Variants in XKR8 observed in about 807,000 individuals in gnomAD.
XKR8 encodes XK related 8.
XKR8 carries 10 observed loss-of-function variants against 17.1 expected under a neutral mutation model. That is an observed-to-expected ratio of 0.59 (90% CI 0.36 to 0.99). The LOEUF (loss-of-function observed/expected upper bound fraction) is 0.99, where lower values mean the gene tolerates loss of function less well. Among genes scored for constraint, XKR8 ranks in the 50% least tolerant of loss-of-function variants. The pLI, the probability that XKR8 is intolerant of heterozygous loss-of-function variation, is 0.01. For missense variants in XKR8, 411 were observed against 515.6 expected (o/e 0.80, Z 1.96); for synonymous variants, 213 against 251.9 (o/e 0.85, Z 1.46).
Position 27,959,979 on chromosome 1 carries a change from T to G in XKR8, c.-91T>G, listed in dbSNP as rs911736679. Reference sequence around the variant, plus strand: ...CCAGGCCCCGGGCCGCCCCGAGGGCTGCGCCCACCTCCTTCCTGCCTCGGC... The same window carrying G: ...CCAGGCCCCGGGCCGCCCCGAGGGCGGCGCCCACCTCCTTCCTGCCTCGGC... On this transcript the variant is annotated 5_prime_UTR_variant, in exon 1 of 3. Coordinates refer to ENST00000373884, the MANE Select transcript of XKR8 (RefSeq NM_018053.4). 1.7e-5 allele frequency: 21 copies of G among 1,231,564 alleles called. No homozygotes were observed. The highest frequency in any genetic ancestry group is 2.1e-5 in the Non-Finnish European group (20 of 953,594). 76.3% of individuals were successfully genotyped at this position (1,231,564 alleles called of 1,614,324 possible). A position where few individuals can be genotyped will look rare whatever the true frequency, so the allele number is the denominator to read the frequency against.
intron 1 of XKR8, among the ~76,000 whole-genome samples, chr1:27,961,360 C>G (rs1333205158): frequency 6.6e-6 from 1 of 152,178 alleles, no homozygotes; most frequent in Non-Finnish European, 1.5e-5. Context: ...GTGGCCAGGG[C>G]CAGGATCTGC....
At position 27,960,117 on chromosome 1, in the gene XKR8, C is replaced by T; in HGVS notation, c.48C>T (p.Gly16=). ...CCCTCCTTCGGGACCTGGTCCTGGG[C>T]GTGCTGGGCACCGCCGCCTTCCTGC... ...RGALLRDLVL[G]VLGTAAFLLD... Residue 16 remains glycine (G), a synonymous_variant, in exon 1 of 3, where the codon GGC becomes GGT. Coordinates refer to ENST00000373884, the MANE Select transcript of XKR8 (RefSeq NM_018053.4). This position sits in a 1 kb window ranked among gnomAD's most constrained non-coding sequence, Gnocchi z 5.9. 1 of 1,514,408 alleles carries T rather than the reference C, an allele frequency of 6.6e-7. No homozygotes were observed. Among genetic ancestry groups the T allele is most frequent in the Middle Eastern group, 2.1e-4 (1 of 4,790 alleles). The allele number at this position is 1,514,408 out of a possible 1,614,324, so 93.8% of individuals were successfully genotyped here. A position where few individuals can be genotyped will look rare whatever the true frequency, so the allele number is the denominator to read the frequency against.
chr1:27,962,570 ACT>A (rs1333106040), intron 1 of XKR8, among the ~76,000 whole-genome samples: 1 of 149,280 alleles, frequency 6.7e-6, no homozygotes, highest in Admixed American at 6.7e-5. Context: ...ACAGATGTAG[ACT>A]CTGTCTCCAA....
chr1:27,965,507 G>A lies in XKR8; in HGVS notation c.491-996G>A, dbSNP rs1571675563. ...CCTGACACAGCTGAGTGGGTGGCAT[G>A]GGGTCAGGGTGGGTGACTCCCGGGG... On this transcript the variant is annotated intron_variant, in intron 2 of 2. Coordinates refer to ENST00000373884, the MANE Select transcript of XKR8 (RefSeq NM_018053.4). This position sits in a 1 kb window ranked among gnomAD's most constrained non-coding sequence, Gnocchi z 4.1. 6.6e-6 allele frequency among the ~76,000 whole-genome samples: 1 copy of A among 152,274 alleles called. No individual in the cohort carries two copies. The highest frequency in any genetic ancestry group is 2.1e-4 in the South Asian group (1 of 4,816).
chr1:27,967,086 G>C lies in XKR8; in HGVS notation c.1074G>C (p.Arg358=). 6.2e-7 allele frequency: 1 copy of C among 1,614,100 alleles called. No homozygotes were observed. The highest frequency in any genetic ancestry group is 8.5e-7 in the Non-Finnish European group (1 of 1,179,958). The change falls in exon 3 of 3, where the codon CGG becomes CGC. Residue 358 remains arginine (R), a synonymous_variant. Transcript: ENST00000373884. The surrounding 1 kb of genome is among the most constrained non-coding windows in gnomAD (Gnocchi z 4.3). The part of the protein sequence containing the change: ...KPDPDQVDGA[R]SLLSPEGYQL... ...ACCCTGACCAGGTAGACGGGGCCCGGAGTCTGCTTTCTCCAGAGGGGTATC... is the reference window on the plus strand; with the variant it reads ...ACCCTGACCAGGTAGACGGGGCCCGCAGTCTGCTTTCTCCAGAGGGGTATC...
Position 27,967,463 on chromosome 1 carries a change from T to C in XKR8, c.*263T>C, listed in dbSNP as rs891496097. On this transcript the variant is annotated 3_prime_UTR_variant, in exon 3 of 3. Coordinates refer to ENST00000373884, the MANE Select transcript of XKR8 (RefSeq NM_018053.4). The surrounding 1 kb of genome is among the most constrained non-coding windows in gnomAD (Gnocchi z 4.3). The stretch of plus-strand genomic sequence containing the variant: ...AGCCCCAATTATGTACAAGACACTT[T>C]GGGAGGAAAGAAGACTACCTTTTCC... 16 of 309,158 alleles carry C rather than the reference T, an allele frequency of 5.2e-5. No homozygotes were observed. The highest frequency in any genetic ancestry group is 7.8e-5 in the Non-Finnish European group (13 of 167,618). 19.2% of individuals were successfully genotyped at this position (309,158 alleles called of 1,614,324 possible).
chr1:27,964,323 T>C (rs1638529177), intron 2 of XKR8: 1 of 152,140 alleles, frequency 6.6e-6, no homozygotes, highest in South Asian at 2.1e-4. Context: ...GTAATTTTTA[T>C]AATTTTGAAG....
chr1:27,966,606 C>A lies in XKR8; in HGVS notation c.594C>A (p.Gly198=). 6.2e-7 allele frequency: 1 copy of A among 1,614,116 alleles called. No homozygotes were observed. The highest frequency in any genetic ancestry group is 8.5e-7 in the Non-Finnish European group (1 of 1,180,000). Residue 198 remains glycine (G), a synonymous_variant, in exon 3 of 3, where the codon GGC becomes GGA. Transcript: ENST00000373884. The surrounding 1 kb of genome is among the most constrained non-coding windows in gnomAD (Gnocchi z 4.3). Reference sequence around the variant, plus strand: ...CCTCCAAGCCGCTCCTGGGCCTGGGCTCCTCCGTGATCTACTTCCTGTGGA... The same window carrying A: ...CCTCCAAGCCGCTCCTGGGCCTGGGATCCTCCGTGATCTACTTCCTGTGGA... ...CLPSKPLLGL[G]SSVIYFLWNL... is the part of the protein sequence containing the mutation.
In XKR8 at chr1:27,966,578, TC is replaced by T; in HGVS notation, c.570del (p.Ser191ProfsTer11). On this transcript the variant is annotated frameshift_variant, in exon 3 of 3. Coordinates refer to ENST00000373884, the MANE Select transcript of XKR8 (RefSeq NM_018053.4). LOFTEE classifies it low-confidence loss of function (END_TRUNC). This position sits in a 1 kb window ranked among gnomAD's most constrained non-coding sequence, Gnocchi z 4.3. ...TACCACCGGGCCTTGCGCACCTGCCTCCCCTCCAAGCCGCTCCTGGGCCTGG... is the reference window on the plus strand; with the variant it reads ...TACCACCGGGCCTTGCGCACCTGCCTCCCTCCAAGCCGCTCCTGGGCCTGG... ...LDYHRALRTC[L>X]PSKPLLGLGS... 3.1e-6 allele frequency: 5 copies of T among 1,613,896 alleles called. No homozygotes were observed. Among genetic ancestry groups the T allele is most frequent in the Non-Finnish European group, 4.2e-6 (5 of 1,179,964 alleles).
chr1:27,962,545 C>T (rs1638487416), intron 1 of XKR8, among the ~76,000 whole-genome samples: 1 of 151,712 alleles, frequency 6.6e-6, no homozygotes, highest in African/African-American at 2.4e-5. Context: ...TGCACTCTAG[C>T]CTGGGCGACA....
In XKR8 at chr1:27,966,807, G is replaced by A. The variant is rs780986781; in HGVS notation, c.795G>A (p.Val265=). The change falls in exon 3 of 3, where the codon GTG becomes GTA. Residue 265 remains valine, a synonymous_variant. Transcript: ENST00000373884. The surrounding 1 kb of genome is among the most constrained non-coding windows in gnomAD (Gnocchi z 4.3). ...CCGAGTGGCTGTACCGGGTGACGGT[G>A]GCCACCATCCTCTATTTCTCCTGGT... is the stretch of plus-strand genomic sequence containing the variant. The part of the protein sequence containing the change: ...PSSEWLYRVT[V]ATILYFSWFN... The A allele has an allele frequency of 2.0e-5, 32 of 1,613,620 alleles. No individual in the cohort carries two copies. The highest frequency in any genetic ancestry group is 2.5e-5 in the Non-Finnish European group (29 of 1,179,910).
At chr1:27,961,343 G>C (rs1382707468) in intron 1 of XKR8, among the ~76,000 whole-genome samples, 1 of 152,222 alleles carries the variant, frequency 6.6e-6, no homozygotes, top group Admixed American at 6.5e-5. Context: ...GTGTGGGTTG[G>C]GATGGGGTGG....
Position 27,963,641 on chromosome 1 carries a change from C to T in XKR8, c.438C>T (p.Leu146=), listed in dbSNP as rs755672657. Residue 146 remains leucine (L), a synonymous_variant, in exon 2 of 3, where the codon CTC becomes CTT. Transcript: ENST00000373884. ...FETFLETAPQ[L]TLVLAIMLQS... is the part of the protein sequence containing the mutation. Reference sequence around the variant, plus strand: ...CCTTCTTGGAGACGGCACCACAGCTCACGCTGGTGCTGGCCATCATGCTGC... The same window carrying T: ...CCTTCTTGGAGACGGCACCACAGCTTACGCTGGTGCTGGCCATCATGCTGC... 9 of 1,609,690 alleles carry T rather than the reference C, an allele frequency of 5.6e-6. No homozygotes were observed. Among genetic ancestry groups the T allele is most frequent in the Non-Finnish European group, 5.9e-6 (7 of 1,178,108 alleles).
At chr1:27,963,380 ATAGC>A (rs1571673731) in intron 1 of XKR8, 113 bp from the exon 2 acceptor site, 1 of 1,272,524 alleles carries the variant, frequency 7.9e-7, no homozygotes, top group East Asian at 2.4e-5. Flanking sequence ...CGAAGGCCCC[ATAGC>A]ATGGATGTGA....
intron 1 of XKR8, among the ~76,000 whole-genome samples, chr1:27,961,710 G>A (rs1041226448): frequency 6.6e-6 from 1 of 152,218 alleles, no homozygotes; most frequent in Non-Finnish European, 1.5e-5. Context: ...GGGGACCATA[G>A]GCAAAGGCTC....
At chr1:27,963,738 G>A (rs1265086195) in intron 2 of XKR8, 45 bp downstream of exon 2, 2 of 1,464,126 alleles carry the variant, frequency 1.4e-6, no homozygotes, top group African/African-American at 2.9e-5. Context: ...GGCTTGGTGG[G>A]GGGTCTCTCA....
chr1:27,960,376 C>A lies in XKR8; in HGVS notation c.293+14C>A, dbSNP rs1450833704. ...TTACCTGTACAGGTGAGTGCTTCGC[C>A]CCGGGAGGGGAGGAGTGTCGGAGCC... is the stretch of plus-strand genomic sequence containing the variant. On this transcript the variant is annotated intron_variant, in intron 1 of 2. Coordinates refer to ENST00000373884, the MANE Select transcript of XKR8 (RefSeq NM_018053.4). The surrounding 1 kb of genome is among the most constrained non-coding windows in gnomAD (Gnocchi z 5.9). 1 of 1,362,536 alleles carries A rather than the reference C, an allele frequency of 7.3e-7. No homozygotes were observed. Among genetic ancestry groups the A allele is most frequent in the Non-Finnish European group, 9.4e-7 (1 of 1,062,172 alleles). The allele number at this position is 1,362,536 out of a possible 1,614,324, so 84.4% of individuals were successfully genotyped here.
chr1:27,961,963 C>G (rs759990636), intron 1 of XKR8, among the ~76,000 whole-genome samples: 1 of 152,268 alleles, frequency 6.6e-6, no homozygotes, highest in South Asian at 2.1e-4. Flanking sequence ...CTCTTAACTC[C>G]GCCCCAATCT....
chr1:27,961,591 A>G lies in XKR8; in HGVS notation c.293+1229A>G, dbSNP rs192645320. Among the ~76,000 whole-genome samples, 203 of 152,284 alleles carry G rather than the reference A, an allele frequency of 1.3e-3. 1 individual carries two copies. Among genetic ancestry groups the G allele is most frequent in the African/African-American group, 4.7e-3 (195 of 41,542 alleles). On this transcript the variant is annotated intron_variant, in intron 1 of 2. Coordinates refer to ENST00000373884, the MANE Select transcript of XKR8 (RefSeq NM_018053.4). Reference sequence around the variant, plus strand: ...ACTACCTTATGCATCTTTGTGGCCAATATTTCTGCTGAGCTTGAGTCAGAC... The same window carrying G: ...ACTACCTTATGCATCTTTGTGGCCAGTATTTCTGCTGAGCTTGAGTCAGAC...
Sources: allele counts gnomAD v4.1 joint callset (sites outside exome capture counted in the v4.1 genomes callset), GRCh38; gene constraint gnomAD v4.1.1; non-coding constraint Gnocchi (gnomAD v3.1); transcripts MANE v1.5; gene names NCBI Gene and HGNC (gene_info 2026-07-23, HGNC 2026-07-21).